Variants in FAM135B observed in about 807,000 individuals in gnomAD.
The protein encoded by FAM135B is family with sequence similarity 135 member B.
In FAM135B, 43 loss-of-function variants were observed where a neutral mutation model predicts 127.7. The ratio of observed to expected loss-of-function variants is 0.34; its 90% confidence interval spans 0.26 to 0.43. The LOEUF is 0.43. Among genes scored for constraint, FAM135B ranks in the 20% least tolerant of loss-of-function variants. The pLI is 1.00. For synonymous variants in FAM135B, 670 were observed against 665.1 expected, an observed-to-expected ratio of 1.01 and a Z score of -0.11; for missense variants, 1,558 against 1,725.6, an observed-to-expected ratio of 0.90 and a Z score of 1.72.
intron 1 of FAM135B, among the ~76,000 whole-genome samples, chr8:138,484,332 T>C (rs1344656093): frequency 6.6e-6 from 1 of 152,204 alleles, no homozygotes; most frequent in East Asian, 1.9e-4. Flanking sequence ...TATTTGGGTT[T>C]CTTTATTGGC....
chr8:138,414,144 A>ATAT (rs1425910329), intron 1 of FAM135B, among the ~76,000 whole-genome samples: 6 of 148,448 alleles, frequency 4.0e-5, no homozygotes, highest in Non-Finnish European at 7.5e-5. Flanking sequence ...ATATATGCAC[A>ATAT]AAAAATATAT....
chr8:138,277,306 C>T (rs750500707), intron 3 of FAM135B, among the ~76,000 whole-genome samples: 9 of 152,118 alleles, frequency 5.9e-5, no homozygotes, highest in South Asian at 2.1e-4. Flanking sequence ...TGCATGGACA[C>T]GGGAATTCCT....
intron 3 of FAM135B, among the ~76,000 whole-genome samples, chr8:138,292,833 A>G (rs1194859835): frequency 6.6e-6 from 1 of 152,102 alleles, no homozygotes; most frequent in Admixed American, 6.6e-5. Flanking sequence ...AACTGCCCAG[A>G]GCAATCTACA....
rs1315182427 is a variant in FAM135B at position 138,152,408 on chromosome 8, C to T, written c.2067G>A (p.Glu689=). Residue 689 remains glutamate, a synonymous_variant, in exon 13 of 20, where the codon GAG becomes GAA. Transcript: ENST00000395297. ...ACCAGGCGACGGAGCTTGGCTCACT[C>T]TCAATGCCTGAATCAGATATGATGG... ...SSSIISDSGI[E]SEPSSVAWSE... 1 of 1,614,086 alleles carries T rather than the reference C, an allele frequency of 6.2e-7. No homozygotes were observed. Among genetic ancestry groups the T allele is most frequent in the African/African-American group, 1.3e-5 (1 of 74,936 alleles).
intron 1 of FAM135B, among the ~76,000 whole-genome samples, chr8:138,369,017 G>C (rs1830948206): frequency 6.6e-6 from 1 of 152,252 alleles, no homozygotes. Flanking sequence ...GAGAAGCTCT[G>C]ACCTGGAGCC....
chr8:138,267,493 G>A (rs1823027897), intron 3 of FAM135B, among the ~76,000 whole-genome samples: 1 of 150,562 alleles, frequency 6.6e-6, no homozygotes, highest in Admixed American at 6.6e-5. Context: ...AGAATAAAAT[G>A]CATCTATTTC....
chr8:138,167,826 A>G (rs1021935405), intron 12 of FAM135B, 69 bp downstream of exon 12: 9 of 1,495,122 alleles, frequency 6.0e-6, no homozygotes, highest in Non-Finnish European at 8.1e-6. Flanking sequence ...ATATAAACAA[A>G]CTGTGCCATT....
chr8:138,307,298 T>A (rs35918330), intron 3 of FAM135B, among the ~76,000 whole-genome samples: 8,098 of 152,272 alleles, frequency 0.053, 337 homozygotes, highest in East Asian at 0.12. Context: ...ATGTGACTTG[T>A]TCCTTCTTGC....
At chr8:138,433,066 G>GT (rs1835281878) in intron 1 of FAM135B, among the ~76,000 whole-genome samples, 1 of 152,030 alleles carries the variant, frequency 6.6e-6, no homozygotes, top group African/African-American at 2.4e-5. Context: ...ATAGCAAAGG[G>GT]TAGAGGACAC....
intron 7 of FAM135B, among the ~76,000 whole-genome samples, chr8:138,214,491 C>T (rs1818394473): frequency 6.6e-6 from 1 of 152,120 alleles, no homozygotes; most frequent in South Asian, 2.1e-4. Flanking sequence ...TGTGAGGGAG[C>T]ACACAGACTA....
At position 138,348,024 on chromosome 8, in the gene FAM135B, C is replaced by T. The variant is rs374008838; in HGVS notation, c.77+19883G>A. 1.4e-4 allele frequency among the ~76,000 whole-genome samples: 21 copies of T among 151,818 alleles called. No homozygotes were observed. The South Asian group carries it at 4.4e-3, about 32-fold the overall frequency. On this transcript the variant is annotated intron_variant, in intron 2 of 19. Transcript: ENST00000395297. ...TATGACTATTTTTACTGTTGTTATC[C>T]CAGTGGTTCAAATATGTACAATGAG...
chr8:138,310,869 T>C lies in FAM135B; in HGVS notation c.129A>G (p.Arg43=). 1 of 1,613,962 alleles carries C rather than the reference T, an allele frequency of 6.2e-7. No individual in the cohort carries two copies. Among genetic ancestry groups the C allele is most frequent in the Non-Finnish European group, 8.5e-7 (1 of 1,179,956 alleles). ...TCTGCCCAGCGATGGAGGCACTCAG[T>C]CTGTGGGGGATCCTTGAAGACACCT... The part of the protein sequence containing the change: ...TLKVSSRIPH[R]LSASIAGQTE... Residue 43 remains arginine, a synonymous_variant, in exon 3 of 20, where the codon AGA becomes AGG. Transcript: ENST00000395297.
In FAM135B at chr8:138,241,337, G is replaced by A. The variant is rs574879175; in HGVS notation, c.669+1605C>T. Among the ~76,000 whole-genome samples, 29 of 152,258 alleles carry A rather than the reference G, an allele frequency of 1.9e-4. No individual in the cohort carries two copies. The highest frequency in any genetic ancestry group is 4.2e-4 in the South Asian group (2 of 4,812). The stretch of plus-strand genomic sequence containing the variant: ...TGAAGTTCTGCATCTACAAGTCACC[G>A]GAGTCTACCCTGGAACTGGTCTTAT... On this transcript the variant is annotated intron_variant, in intron 7 of 19. Coordinates refer to ENST00000395297, the MANE Select transcript of FAM135B (RefSeq NM_015912.4). The surrounding 1 kb of genome is among the most constrained non-coding windows in gnomAD (Gnocchi z 4.8).
intron 12 of FAM135B, among the ~76,000 whole-genome samples, chr8:138,155,560 G>C (rs1381713673): frequency 6.6e-6 from 1 of 152,108 alleles, no homozygotes; most frequent in African/African-American, 2.4e-5. Context: ...CATCTCATGT[G>C]CAGAGACACA....
chr8:138,356,489 G>T (rs1370046108), intron 2 of FAM135B, among the ~76,000 whole-genome samples: 1 of 152,110 alleles, frequency 6.6e-6, no homozygotes, highest in Non-Finnish European at 1.5e-5. Flanking sequence ...GAGGTTATTT[G>T]TAATAACACA....
chr8:138,265,035 G>A (rs1822807917), intron 4 of FAM135B, among the ~76,000 whole-genome samples: 1 of 152,216 alleles, frequency 6.6e-6, no homozygotes, highest in Admixed American at 6.5e-5. Flanking sequence ...TTGTTAATCT[G>A]ATGAATAGGA....
At chr8:138,347,592 C>T (rs916369799) in intron 2 of FAM135B, among the ~76,000 whole-genome samples, 11 of 152,178 alleles carry the variant, frequency 7.2e-5, no homozygotes, top group Admixed American at 6.5e-4. Flanking sequence ...ATTAACAGCC[C>T]TCTCATAACC....
intron 11 of FAM135B, among the ~76,000 whole-genome samples, chr8:138,169,892 G>C (rs1304846379): frequency 2.0e-5 from 3 of 152,222 alleles, no homozygotes; most frequent in African/African-American, 7.2e-5. Flanking sequence ...AGCTTCTTGA[G>C]CACAGGGCTT....
At chr8:138,352,946 A>G (rs78517335) in intron 2 of FAM135B, among the ~76,000 whole-genome samples, 4,825 of 152,222 alleles carry the variant, frequency 0.032, 214 homozygotes, top group African/African-American at 0.1. Flanking sequence ...AGCTAACATA[A>G]GACACCTCAT....
Sources: allele counts gnomAD v4.1 joint callset (sites outside exome capture counted in the v4.1 genomes callset), GRCh38; gene constraint gnomAD v4.1.1; non-coding constraint Gnocchi (gnomAD v3.1); transcripts MANE v1.5; gene names NCBI Gene and HGNC (gene_info 2026-07-23, HGNC 2026-07-21).